Variants in NR3C2 observed in about 807,000 individuals in gnomAD.
NR3C2 encodes the protein nuclear receptor subfamily 3 group C member 2, also known as mineralocorticoid receptor.
In NR3C2, 15 loss-of-function variants were observed where a neutral mutation model predicts 86.4. The ratio of observed to expected loss-of-function variants is 0.17; its 90% CI spans 0.12 to 0.27. NR3C2 has a LOEUF of 0.27. Among genes scored for constraint, NR3C2 ranks in the 10% least tolerant of loss-of-function variants. NR3C2 has a pLI of 1.00. For synonymous variants in NR3C2, 458 were observed against 450.5 expected (o/e 1.02, Z -0.21); for missense variants, 960 against 1,195.6 (o/e 0.80, Z 2.91).
chr4:148,228,670 A>G (rs930588080), intron 3 of NR3C2, among the ~76,000 whole-genome samples: 1 of 152,294 alleles, frequency 6.6e-6, no homozygotes, highest in Admixed American at 6.5e-5. Flanking sequence ...ATTTTAATGA[A>G]GTCCAACTGA....
intron 3 of NR3C2, among the ~76,000 whole-genome samples, chr4:148,250,073 G>A (rs1275832054): frequency 6.6e-6 from 1 of 152,136 alleles, no homozygotes; most frequent in African/African-American, 2.4e-5. Flanking sequence ...AGTGCCGAGT[G>A]TCTAAGTGGG....
intron 3 of NR3C2, among the ~76,000 whole-genome samples, chr4:148,245,377 T>G (rs1050802679): frequency 2.0e-5 from 3 of 152,164 alleles, no homozygotes; most frequent in African/African-American, 7.2e-5. Context: ...TGAAATAAAA[T>G]AAGAAACACT....
chr4:148,174,715 G>C (rs1418182417), intron 4 of NR3C2, among the ~76,000 whole-genome samples: 1 of 152,130 alleles, frequency 6.6e-6, no homozygotes, highest in Non-Finnish European at 1.5e-5. Context: ...AGCATTTCCA[G>C]GTTGGTTTCC....
At chr4:148,142,577 C>T (rs1733664741) in intron 6 of NR3C2, among the ~76,000 whole-genome samples, 1 of 152,160 alleles carries the variant, frequency 6.6e-6, no homozygotes, top group Non-Finnish European at 1.5e-5. Context: ...TCCCTGCAAC[C>T]TCCGCCTCCT....
intron 2 of NR3C2, among the ~76,000 whole-genome samples, chr4:148,340,492 A>C (rs959282966): frequency 2.0e-5 from 3 of 152,114 alleles, no homozygotes; most frequent in Admixed American, 6.6e-5. Flanking sequence ...ACTTAAATTG[A>C]ACTAACAACT....
At chr4:148,415,816 A>G (rs1030581640) in intron 2 of NR3C2, among the ~76,000 whole-genome samples, 2 of 152,204 alleles carry the variant, frequency 1.3e-5, no homozygotes, top group African/African-American at 4.8e-5. Context: ...TCTTTTAATA[A>G]TTTTTCGTCC....
chr4:148,423,275 C>T (rs908004843), intron 2 of NR3C2, among the ~76,000 whole-genome samples: 1 of 152,088 alleles, frequency 6.6e-6, no homozygotes, highest in Non-Finnish European at 1.5e-5. Flanking sequence ...CCCAAAACTT[C>T]ATTTCAGCAT....
intron 8 of NR3C2, among the ~76,000 whole-genome samples, chr4:148,111,038 A>G (rs766208698): frequency 6.6e-6 from 1 of 152,252 alleles, no homozygotes; most frequent in Non-Finnish European, 1.5e-5. Flanking sequence ...GACATTGCTA[A>G]GAGAATGAAA....
At chr4:148,372,143 TGTATTTAAA>T (rs1746453144) in intron 2 of NR3C2, among the ~76,000 whole-genome samples, 1 of 152,198 alleles carries the variant, frequency 6.6e-6, no homozygotes, top group Non-Finnish European at 1.5e-5. Flanking sequence ...TAAACTAGAA[TGTATTTAAA>T]GTAAGTTCTA....
At chr4:148,443,001 C>A, upstream of NR3C2, 1 of 984,886 alleles carries the variant, frequency 1.0e-6, no homozygotes, top group Non-Finnish European at 1.2e-6. Flanking sequence ...CAACAGCGTC[C>A]GCGCGCGGGG....
intron 2 of NR3C2, among the ~76,000 whole-genome samples, chr4:148,298,859 A>G (rs1181912728): frequency 2.0e-5 from 3 of 152,246 alleles, no homozygotes; most frequent in Non-Finnish European, 4.4e-5. Context: ...CTACTTTTCT[A>G]TTTAATTTAC....
intron 8 of NR3C2, among the ~76,000 whole-genome samples, chr4:148,101,814 G>C (rs1012747496): frequency 2.0e-5 from 3 of 151,926 alleles, no homozygotes; most frequent in Admixed American, 2.0e-4. Flanking sequence ...TTAACAGAAA[G>C]AGCCATCATT....
chr4:148,152,331 C>A (rs1177012620), intron 6 of NR3C2, 138 bp downstream of exon 6: 1 of 869,314 alleles, frequency 1.2e-6, no homozygotes, highest in Non-Finnish European at 1.8e-6. Context: ...TCCCAGAGAT[C>A]TGTAAATTTT....
At chr4:148,112,039 T>C (rs936312316) in intron 8 of NR3C2, among the ~76,000 whole-genome samples, 1 of 152,176 alleles carries the variant, frequency 6.6e-6, no homozygotes, top group Non-Finnish European at 1.5e-5. Context: ...TGGGAAACTT[T>C]GCATAAAATC....
intron 2 of NR3C2, among the ~76,000 whole-genome samples, chr4:148,270,795 A>G (rs918031238): frequency 2.6e-5 from 4 of 152,208 alleles, no homozygotes; most frequent in African/African-American, 7.2e-5. Flanking sequence ...TCTAGCCCCA[A>G]TATACTTCAG....
At chr4:148,146,493 A>G (rs1228181160) in intron 6 of NR3C2, 1 of 152,544 alleles carries the variant, frequency 6.6e-6, no homozygotes, top group Non-Finnish European at 1.5e-5. Flanking sequence ...ACTCTCACTG[A>G]GGACAACTGG....
At chr4:148,404,348 T>C (rs564013250) in intron 2 of NR3C2, among the ~76,000 whole-genome samples, 5 of 152,266 alleles carry the variant, frequency 3.3e-5, no homozygotes, top group African/African-American at 1.2e-4. Context: ...TTATGACATG[T>C]GGAACAAAAG....
chr4:148,346,587 G>GCC (rs1745004723), intron 2 of NR3C2, among the ~76,000 whole-genome samples: 1 of 152,060 alleles, frequency 6.6e-6, no homozygotes, highest in African/African-American at 2.4e-5. Context: ...GTAGCCACTA[G>GCC]CCACATGTTG....
intron 8 of NR3C2, among the ~76,000 whole-genome samples, chr4:148,113,745 C>T (rs551766719): frequency 1.3e-3 from 201 of 152,240 alleles, no homozygotes; most frequent in African/African-American, 4.5e-3. Context: ...AGAGGACATC[C>T]GAATCCCTGG....
Sources: allele counts gnomAD v4.1 joint callset (sites outside exome capture counted in the v4.1 genomes callset), GRCh38; gene constraint gnomAD v4.1.1; transcripts MANE v1.5; gene names NCBI Gene and HGNC (gene_info 2026-07-23, HGNC 2026-07-21).